Variants in ZNRF1 observed in about 807,000 individuals in gnomAD.
The protein encoded by ZNRF1 is E3 ubiquitin-protein ligase ZNRF1.
In ZNRF1, 3 loss-of-function variants were observed where a neutral mutation model predicts 18.4. The ratio of observed to expected loss-of-function variants is 0.16; its 90% CI spans 0.07 to 0.42. The LOEUF (loss-of-function observed/expected upper bound fraction) is 0.42, where lower values mean the gene tolerates loss of function less well. ZNRF1 is among the 10% of genes least tolerant of loss of function. ZNRF1 has a pLI of 0.99. For missense variants in ZNRF1, 310 were observed against 329.8 expected, an observed-to-expected ratio of 0.94 and a Z score of 0.47; for synonymous variants, 157 against 144.2, an observed-to-expected ratio of 1.09 and a Z score of -0.64.
chr16:75,090,264 T>C (rs994113594), intron 1 of ZNRF1, among the ~76,000 whole-genome samples: 33 of 152,208 alleles, frequency 2.2e-4, no homozygotes, highest in African/African-American at 7.7e-4. Context: ...TCTGCACATT[T>C]CTAAACTGAG....
intron 1 of ZNRF1, among the ~76,000 whole-genome samples, chr16:75,091,313 C>T (rs555238844): frequency 3.4e-5 from 5 of 149,066 alleles, no homozygotes; most frequent in South Asian, 2.1e-4. Context: ...GAGCGGAGAT[C>T]GTGCCACTGC....
chr16:75,007,265 G>A (rs1322288692), intron 1 of ZNRF1, among the ~76,000 whole-genome samples: 1 of 151,138 alleles, frequency 6.6e-6, no homozygotes, highest in Non-Finnish European at 1.5e-5. Flanking sequence ...TTGTTGCCCA[G>A]GCTGGTCTTA....
At chr16:75,107,546 G>A in intron 4 of ZNRF1, 187 bp from the exon 5 acceptor site, 1 of 352,170 alleles carries the variant, frequency 2.8e-6, no homozygotes, top group Non-Finnish European at 5.7e-6. Flanking sequence ...GAGCCAGGGG[G>A]GAGAGTGAGG....
intron 1 of ZNRF1, among the ~76,000 whole-genome samples, chr16:75,079,573 C>T (rs1400291393): frequency 6.6e-6 from 1 of 152,182 alleles, no homozygotes; most frequent in African/African-American, 2.4e-5. Context: ...TCACCATAGC[C>T]CTGGGTGAGA....
At chr16:75,099,181 C>T (rs958604825) in intron 2 of ZNRF1, among the ~76,000 whole-genome samples, 1 of 152,210 alleles carries the variant, frequency 6.6e-6, no homozygotes, top group Non-Finnish European at 1.5e-5. Context: ...GTCATCACCA[C>T]TTAGCAGCTG....
At chr16:75,084,734 C>G (rs2036054383) in intron 1 of ZNRF1, 1 of 152,298 alleles carries the variant, frequency 6.6e-6, no homozygotes. Context: ...CACTGTTCTT[C>G]TAATACATCA....
At chr16:75,099,943 G>T (rs1045492584) in intron 2 of ZNRF1, among the ~76,000 whole-genome samples, 5 of 152,198 alleles carry the variant, frequency 3.3e-5, no homozygotes, top group African/African-American at 7.2e-5. Context: ...CAGGGGTGGG[G>T]ACAGGAAGTT....
At position 75,108,502 on chromosome 16, in the gene ZNRF1, C is replaced by T. The variant is rs745559390; in HGVS notation, c.*802C>T. ...CTTACTAAGAAATATGTACAGCTACCCCTGTTTTCAGGCACTATGTTTGAG... is the reference window on the plus strand; with the variant it reads ...CTTACTAAGAAATATGTACAGCTACTCCTGTTTTCAGGCACTATGTTTGAG... On this transcript the variant is annotated 3_prime_UTR_variant, in exon 5 of 5. Transcript: ENST00000335325. The T allele has an allele frequency of 1.5e-5, 6 of 398,456 alleles. No individual in the cohort carries two copies. The highest frequency in any genetic ancestry group is 4.1e-5 in the African/African-American group (2 of 48,544). The allele number at this position is 398,456 out of a possible 1,614,324, so 24.7% of individuals were successfully genotyped here.
chr16:75,072,310 A>G (rs2035879941), intron 1 of ZNRF1, among the ~76,000 whole-genome samples: 1 of 151,982 alleles, frequency 6.6e-6, no homozygotes, highest in African/African-American at 2.4e-5. Flanking sequence ...TTCCTTCTTA[A>G]AAGAATGCTT....
At position 74,999,971 on chromosome 16, in the gene ZNRF1, C is replaced by T. The variant is rs967532368; in HGVS notation, c.300C>T (p.Gly100=). The part of the protein sequence containing the change: ...GSASDSTYAH[G]NGYQETGGGH... ...CGTCCGACTCCACCTATGCCCATGGCAATGGTTACCAGGAGACGGGCGGCG... is the reference window on the plus strand; with the variant it reads ...CGTCCGACTCCACCTATGCCCATGGTAATGGTTACCAGGAGACGGGCGGCG... Residue 100 remains glycine (G), a synonymous_variant, in exon 1 of 5, where the codon GGC becomes GGT. Coordinates refer to ENST00000335325, the MANE Select transcript of ZNRF1 (RefSeq NM_032268.5). 5.7e-6 allele frequency: 9 copies of T among 1,582,722 alleles called. No homozygotes were observed. Among genetic ancestry groups the T allele is most frequent in the Admixed American group, 3.6e-5 (2 of 55,116 alleles).
At chr16:75,013,414 T>G (rs1371327266) in intron 1 of ZNRF1, among the ~76,000 whole-genome samples, 1 of 151,944 alleles carries the variant, frequency 6.6e-6, no homozygotes, top group African/African-American at 2.4e-5. Context: ...TGGCGTGATC[T>G]CAGCTCACTG....
At chr16:75,081,905 GA>G (rs1405548357) in intron 1 of ZNRF1, among the ~76,000 whole-genome samples, 2 of 152,174 alleles carry the variant, frequency 1.3e-5, no homozygotes, top group Non-Finnish European at 2.9e-5. Context: ...CACACTTTCT[GA>G]GTCATAATTA....
intron 1 of ZNRF1, among the ~76,000 whole-genome samples, chr16:75,052,172 G>C (rs560330989): frequency 6.6e-6 from 1 of 152,296 alleles, no homozygotes; most frequent in South Asian, 2.1e-4. Flanking sequence ...GCCAAGGCTG[G>C]AGGATTGCTT....
chr16:75,076,498 T>G (rs1242095864), intron 1 of ZNRF1, among the ~76,000 whole-genome samples: 3 of 151,886 alleles, frequency 2.0e-5, no homozygotes, highest in Non-Finnish European at 4.4e-5. Flanking sequence ...GAAATTATAT[T>G]TGTTTTGCCA....
intron 1 of ZNRF1, among the ~76,000 whole-genome samples, chr16:75,065,669 G>A (rs965634750): frequency 6.6e-6 from 1 of 152,204 alleles, no homozygotes; most frequent in Non-Finnish European, 1.5e-5. Flanking sequence ...ACTCAGAAAT[G>A]TATCCTTCCT....
Position 74,999,564 on chromosome 16 carries a change from C to T in ZNRF1, c.-108C>T, listed in dbSNP as rs1451315862. On this transcript the variant is annotated 5_prime_UTR_variant, in exon 1 of 5. Transcript: ENST00000335325. ...TTTTCCTTTTCTCCCTCCGGGTCTC[C>T]TTTTTGACTCCCTCCCCCTTTATGC... is the stretch of plus-strand genomic sequence containing the variant. The T allele has an allele frequency of 2.0e-5, 17 of 840,422 alleles. No individual in the cohort carries two copies. Among genetic ancestry groups the T allele is most frequent in the Non-Finnish European group, 2.7e-5 (17 of 622,514 alleles). 52.1% of individuals were successfully genotyped at this position (840,422 alleles called of 1,614,324 possible).
At chr16:75,032,097 T>C (rs1483623223) in intron 1 of ZNRF1, among the ~76,000 whole-genome samples, 11 of 150,612 alleles carry the variant, frequency 7.3e-5, no homozygotes, top group Non-Finnish European at 8.8e-5. Flanking sequence ...GCATCTTTTC[T>C]TGTGAGGTTT....
chr16:75,032,104 GTTTT>G (rs1162819265), intron 1 of ZNRF1, among the ~76,000 whole-genome samples: 2 of 108,648 alleles, frequency 1.8e-5, no homozygotes, highest in African/African-American at 4.2e-5. Flanking sequence ...TTCTTGTGAG[GTTTT>G]TTTTTTTTTT....
intron 2 of ZNRF1, among the ~76,000 whole-genome samples, chr16:75,102,446 G>A (rs112675624): frequency 0.012 from 1,902 of 152,198 alleles, 50 homozygotes; most frequent in African/African-American, 0.039. Context: ...GCAGTGTTCG[G>A]GACAGTTAAG....
Sources: allele counts gnomAD v4.1 joint callset (sites outside exome capture counted in the v4.1 genomes callset), GRCh38; gene constraint gnomAD v4.1.1; transcripts MANE v1.5; gene names NCBI Gene and HGNC (gene_info 2026-07-23, HGNC 2026-07-21).